MYO16: variants seen among roughly 807,000 people sequenced by gnomAD.
The protein encoded by MYO16 is unconventional myosin-XVI.
In MYO16, 94 loss-of-function variants were observed where a neutral mutation model predicts 205.3. That is an observed-to-expected ratio of 0.46 (90% CI 0.39 to 0.54). MYO16 has a LOEUF of 0.54. Ranked by LOEUF, MYO16 falls within the 20% of genes least tolerant of loss-of-function variation. The pLI is 0.00. For synonymous variants in MYO16, 988 were observed against 954.0 expected, an observed-to-expected ratio of 1.04 and a Z score of -0.66; for missense variants, 2,315 against 2,387.5, an observed-to-expected ratio of 0.97 and a Z score of 0.63.
At chr13:108,654,363 G>A (rs1881148954) in intron 1 of MYO16, among the ~76,000 whole-genome samples, 1 of 152,172 alleles carries the variant, frequency 6.6e-6, no homozygotes, top group South Asian at 2.1e-4. Flanking sequence ...GGTTTTATCA[G>A]GGGTTTGCAT....
intron 1 of MYO16, among the ~76,000 whole-genome samples, chr13:108,599,142 T>A: frequency 6.6e-6 from 1 of 151,612 alleles, no homozygotes; most frequent in Non-Finnish European, 1.5e-5. Flanking sequence ...ATTTCCAATT[T>A]CATCCATGTC....
intron 32 of MYO16, among the ~76,000 whole-genome samples, chr13:109,149,633 C>A (rs773030521): frequency 2.0e-5 from 3 of 152,158 alleles, no homozygotes; most frequent in African/African-American, 7.2e-5. Context: ...ATGTGGGAGG[C>A]GGACAGATAA....
At position 108,877,249 on chromosome 13, in the gene MYO16, A is replaced by T. The variant is rs77847351; in HGVS notation, c.1426-5810A>T. Among the ~76,000 whole-genome samples the T allele has an allele frequency of 4.5e-3, 684 of 152,304 alleles. 6 individuals carry two copies. Among genetic ancestry groups the T allele is most frequent in the African/African-American group, 0.016 (645 of 41,568 alleles). On this transcript the variant is annotated intron_variant, in intron 12 of 34. Coordinates refer to ENST00000457511, the MANE Select transcript of MYO16 (RefSeq NM_001198950.3). ...TATTCCCAGTTGAACATGAATCTTCAAATTTAGAAGATATTGCCAGATGAT... is the reference window on the plus strand; with the variant it reads ...TATTCCCAGTTGAACATGAATCTTCTAATTTAGAAGATATTGCCAGATGAT...
chr13:108,773,367 G>C (rs142959583), intron 4 of MYO16, among the ~76,000 whole-genome samples: 1 of 152,172 alleles, frequency 6.6e-6, no homozygotes, highest in Non-Finnish European at 1.5e-5. Context: ...ATTTATTCTC[G>C]TATAGTTTTG....
chr13:109,116,136 A>T (rs745942599), intron 28 of MYO16, among the ~76,000 whole-genome samples: 4 of 152,186 alleles, frequency 2.6e-5, no homozygotes, highest in Non-Finnish European at 5.9e-5. Context: ...TTGATTGAAG[A>T]ATTTTTTACA....
At chr13:108,555,715 CAT>C in the MYO16 span, among the ~76,000 whole-genome samples, 5 of 152,174 alleles carry the variant, frequency 3.3e-5, no homozygotes, top group African/African-American at 1.2e-4. Flanking sequence ...TGAAGTTTCA[CAT>C]GTTTTGACTG....
chr13:108,898,882 T>C (rs1390435111), intron 15 of MYO16, among the ~76,000 whole-genome samples: 1 of 152,214 alleles, frequency 6.6e-6, no homozygotes, highest in Non-Finnish European at 1.5e-5. Context: ...AATTTTGATA[T>C]ACTTGAAGTA....
chr13:108,495,931 GC>G, the MYO16 span, among the ~76,000 whole-genome samples: 1 of 152,048 alleles, frequency 6.6e-6, no homozygotes, highest in Non-Finnish European at 1.5e-5. Flanking sequence ...GCAGGTAGGG[GC>G]GTCGGCGGGG....
At chr13:108,499,743 C>A in the MYO16 span, among the ~76,000 whole-genome samples, 1 of 152,154 alleles carries the variant, frequency 6.6e-6, no homozygotes, top group Non-Finnish European at 1.5e-5. Context: ...CAACTCATTT[C>A]TTATATATCC....
chr13:108,804,415 A>T (rs150648190), intron 6 of MYO16, among the ~76,000 whole-genome samples: 1 of 151,922 alleles, frequency 6.6e-6, no homozygotes, highest in East Asian at 1.9e-4. Flanking sequence ...CACAGGGATC[A>T]ACACTGTTGC....
chr13:108,602,101 GAAA>G (rs11478461), intron 1 of MYO16, among the ~76,000 whole-genome samples: 37,996 of 117,852 alleles, frequency 0.32, 5,589 homozygotes, highest in East Asian at 0.45. Context: ...AGGATATGAT[GAAA>G]AAAAAAAAAA....
At chr13:109,050,810 C>T (rs1887223369) in intron 24 of MYO16, among the ~76,000 whole-genome samples, 1 of 151,534 alleles carries the variant, frequency 6.6e-6, no homozygotes. Context: ...TGAGACTTGA[C>T]CAGTAAGAAC....
In MYO16 at chr13:108,603,024, G is replaced by T. The variant is rs540836615; in HGVS notation, c.-39+6785G>T. Among the ~76,000 whole-genome samples, 21 of 152,246 alleles carry T rather than the reference G, an allele frequency of 1.4e-4. No homozygotes were observed. In the East Asian group the frequency reaches 3.5e-3, roughly 25 times the overall value. On this transcript the variant is annotated intron_variant, in intron 1 of 24. Transcript: ENST00000251041. ...TTGGAAGTGAAATAATGAGCCTATT[G>T]AAAAGTATGTAATAAATGAGTATTT... is the stretch of plus-strand genomic sequence containing the variant.
At chr13:108,837,056 C>T (rs1054907144) in intron 9 of MYO16, among the ~76,000 whole-genome samples, 3 of 152,088 alleles carry the variant, frequency 2.0e-5, no homozygotes, top group Non-Finnish European at 4.4e-5. Context: ...GTGTCACCAC[C>T]CAAACATCAT....
intron 23 of MYO16, 139 bp downstream of exon 23, chr13:109,020,050 T>A (rs1286012690): frequency 1.2e-6 from 1 of 802,974 alleles, no homozygotes; most frequent in African/African-American, 1.7e-5. Flanking sequence ...ACATGTACTT[T>A]TCTAAGTGAT....
chr13:108,501,771 G>A, the MYO16 span, among the ~76,000 whole-genome samples: 210 of 152,264 alleles, frequency 1.4e-3, no homozygotes, highest in African/African-American at 5.0e-3. Context: ...ATGTGTGACC[G>A]ACTGAGACTC....
At chr13:109,149,379 C>T (rs528834785) in intron 32 of MYO16, among the ~76,000 whole-genome samples, 1 of 152,096 alleles carries the variant, frequency 6.6e-6, no homozygotes, top group African/African-American at 2.4e-5. Flanking sequence ...GCAGGTGTTA[C>T]CATCCCTATT....
intron 34 of MYO16, among the ~76,000 whole-genome samples, chr13:109,206,219 C>T (rs1327087139): frequency 6.6e-6 from 1 of 152,082 alleles, no homozygotes; most frequent in African/African-American, 2.4e-5. Flanking sequence ...TGGAGTGACG[C>T]TTGAGGAAGC....
At chr13:108,642,907 A>G (rs1242391732) in intron 1 of MYO16, among the ~76,000 whole-genome samples, 1 of 152,188 alleles carries the variant, frequency 6.6e-6, no homozygotes, top group Non-Finnish European at 1.5e-5. Context: ...AGTATTTTGT[A>G]GATTTATTTC....
Sources: allele counts gnomAD v4.1 joint callset (sites outside exome capture counted in the v4.1 genomes callset), GRCh38; gene constraint gnomAD v4.1.1; transcripts MANE v1.5; gene names NCBI Gene and HGNC (gene_info 2026-07-23, HGNC 2026-07-21).